Variants in SLC45A3 observed in about 807,000 individuals in gnomAD.
SLC45A3 encodes prostate cancer associated protein 2.
Under a neutral mutation model 35.3 loss-of-function variants are expected in SLC45A3, and 17 were observed. The observed-to-expected ratio is 0.48, with a 90% CI of 0.33 to 0.72. SLC45A3 has a LOEUF of 0.72. SLC45A3 is among the 30% of genes least tolerant of loss of function. The probability of loss-of-function intolerance (pLI) is 0.02; values close to 1 mark genes in which losing one functional copy is unlikely to be tolerated. For missense variants in SLC45A3, 597 were observed against 731.7 expected (o/e 0.82, Z 2.12); for synonymous variants, 288 against 334.3 (o/e 0.86, Z 1.51).
At chr1:205,677,746 C>T (rs1194580601) in intron 1 of SLC45A3, among the ~76,000 whole-genome samples, 6 of 152,014 alleles carry the variant, frequency 3.9e-5, no homozygotes, top group Non-Finnish European at 7.4e-5. Flanking sequence ...CCCAAATGAT[C>T]GATACAATAT....
chr1:205,667,161 G>A (rs1266166703), intron 1 of SLC45A3, among the ~76,000 whole-genome samples: 1 of 152,140 alleles, frequency 6.6e-6, no homozygotes, highest in Non-Finnish European at 1.5e-5. Context: ...TTGAGGGCAG[G>A]AGCTTAAGAA....
At chr1:205,670,408 A>T (rs1012727681) in intron 1 of SLC45A3, among the ~76,000 whole-genome samples, 10 of 152,120 alleles carry the variant, frequency 6.6e-5, no homozygotes, top group African/African-American at 2.4e-4. Flanking sequence ...AAAAACAGTG[A>T]TTTGCAGAAA....
chr1:205,675,501 C>T (rs371063177), intron 1 of SLC45A3, among the ~76,000 whole-genome samples: 104 of 152,288 alleles, frequency 6.8e-4, no homozygotes, highest in Middle Eastern at 3.4e-3. Flanking sequence ...GTCTGTAAAA[C>T]AAGGCCCTTG....
chr1:205,661,891 T>C lies in SLC45A3; in HGVS notation c.1194A>G (p.Thr398=). The C allele has an allele frequency of 6.2e-7, 1 of 1,613,860 alleles. No individual in the cohort carries two copies. The highest frequency in any genetic ancestry group is 8.5e-7 in the Non-Finnish European group (1 of 1,179,878). ...TCTCCCGGTGGTAGAGGGAGGCCAG[T>C]GTGTAGGGCAGGATCTGCAGGGCTG... The part of the protein sequence containing the change: ...TFSALQILPY[T]LASLYHREKQ... The change falls in exon 4 of 5, where the codon ACA becomes ACG. Residue 398 remains threonine (T), a synonymous_variant. Transcript: ENST00000367145.
At chr1:205,665,135 TTC>T (rs1006633895) in intron 1 of SLC45A3, among the ~76,000 whole-genome samples, 8 of 152,346 alleles carry the variant, frequency 5.3e-5, no homozygotes, top group South Asian at 2.1e-4. Flanking sequence ...ATGTTGGTTA[TTC>T]TCTGTTTTGA....
Position 205,666,894 on chromosome 1 carries a change from G to T in SLC45A3, c.-230-2008C>A, listed in dbSNP as rs1671128066. Among the ~76,000 whole-genome samples, 1 of 152,160 alleles carries T rather than the reference G, an allele frequency of 6.6e-6. No individual in the cohort carries two copies. Among genetic ancestry groups the T allele is most frequent in the African/African-American group, 2.4e-5 (1 of 41,442 alleles). ...TATCCAGCCTAAAGGGAGGGGTTCT[G>T]CGGCCAAAGGCTTCCAGCCCATTCC... On this transcript the variant is annotated intron_variant, in intron 1 of 4. Transcript: ENST00000367145. This position sits in a 1 kb window ranked among gnomAD's most constrained non-coding sequence, Gnocchi z 4.1.
At chr1:205,675,529 T>A (rs1671296504) in intron 1 of SLC45A3, among the ~76,000 whole-genome samples, 1 of 152,104 alleles carries the variant, frequency 6.6e-6, no homozygotes, top group Non-Finnish European at 1.5e-5. Context: ...GGACTTCTAA[T>A]CACTCCCACC....
chr1:205,661,248 G>C (rs1480568816), intron 4 of SLC45A3, among the ~76,000 whole-genome samples: 2 of 152,186 alleles, frequency 1.3e-5, no homozygotes, highest in Non-Finnish European at 2.9e-5. Context: ...GCCCAAGTGA[G>C]TGGGTCAGGT....
Position 205,658,409 on chromosome 1 carries a change from G to T in SLC45A3, c.*825C>A. On this transcript the variant is annotated 3_prime_UTR_variant, in exon 5 of 5. Coordinates refer to ENST00000367145, the MANE Select transcript of SLC45A3 (RefSeq NM_033102.3). ...CAAGGTCCTGGGTTAGGCATTTTGG[G>T]GGGCCAGACCCCAGGAGAAGAAGAT... 1 of 233,018 alleles carries T rather than the reference G, an allele frequency of 4.3e-6. No homozygotes were observed. The highest frequency in any genetic ancestry group is 8.5e-6 in the Non-Finnish European group (1 of 117,892). The allele number at this position is 233,018 out of a possible 1,614,324, so 14.4% of individuals were successfully genotyped here. A position where few individuals can be genotyped will look rare whatever the true frequency, so the allele number is the denominator to read the frequency against.
At chr1:205,668,624 T>C (rs963373554) in intron 1 of SLC45A3, among the ~76,000 whole-genome samples, 2 of 152,054 alleles carry the variant, frequency 1.3e-5, no homozygotes, top group Non-Finnish European at 2.9e-5. Flanking sequence ...CTGGAACACT[T>C]TGGCAAAGAC....
chr1:205,663,573 G>A lies in SLC45A3; in HGVS notation c.218C>T (p.Ser73Leu). 2 of 1,610,172 alleles carry A rather than the reference G, an allele frequency of 1.2e-6. No individual in the cohort carries two copies. The highest frequency in any genetic ancestry group is 1.7e-4 in the Middle Eastern group (1 of 6,040). Reference sequence around the variant, plus strand: ...GCGTCCACGCCAGTGGTCACTGGCTGAGCCTAGGAGCGGGACACAGACCAG... The same window carrying A: ...GCGTCCACGCCAGTGGTCACTGGCTAAGCCTAGGAGCGGGACACAGACCAG... ...LGLVCVPLLG[S>L]ASDHWRGRYG... is the part of the protein sequence containing the mutation. Residue 73 changes from serine (S) to leucine (L), a missense_variant, in exon 3 of 5, where the codon TCA becomes TTA. Transcript: ENST00000367145.
rs777784418 is a variant in SLC45A3 at position 205,663,520 on chromosome 1, C to A, written c.271G>T (p.Ala91Ser). The A allele has an allele frequency of 1.2e-6, 2 of 1,613,088 alleles. No homozygotes were observed. Among genetic ancestry groups the A allele is most frequent in the South Asian group, 2.2e-5 (2 of 91,086 alleles). Residue 91 changes from alanine to serine, a missense_variant, in exon 3 of 5, where the codon GCA becomes TCA. By Grantham distance (99) the Ala-to-Ser change is moderately conservative. Around this residue, in one of 3 missense-constraint regions of SLC45A3, gnomAD observed 555 missense variants for 664.9 expected, o/e 0.83. Transcript: ENST00000367145. ...CTCAGCAGGATGCCCAAGGACAGTG[C>A]CCAGATGAAGGGCCGGCGGCGGCCA... ...RYGRRRPFIW[A>S]LSLGILLSLF...
At chr1:205,679,616 G>C (rs1303619869) in intron 1 of SLC45A3, among the ~76,000 whole-genome samples, 1 of 151,922 alleles carries the variant, frequency 6.6e-6, no homozygotes, top group Admixed American at 6.6e-5. Flanking sequence ...AGACCTGGGA[G>C]GCGAGGAGAA....
intron 1 of SLC45A3, among the ~76,000 whole-genome samples, chr1:205,678,040 G>C (rs888694408): frequency 6.6e-6 from 1 of 152,162 alleles, no homozygotes; most frequent in Non-Finnish European, 1.5e-5. Context: ...TTTCTGGCCG[G>C]GTGCGGTGGC....
chr1:205,663,129 G>C lies in SLC45A3; in HGVS notation c.662C>G (p.Ala221Gly). Reference protein sequence around the residue: ...VAATLLVAEEAALGPTEPAEG... With the variant: ...VAATLLVAEEGALGPTEPAEG... The stretch of plus-strand genomic sequence containing the variant: ...TGCTGGCTCGGTGGGGCCCAGCGCT[G>C]CCTCCTCAGCCACCAGCAGTGTGGC... The change falls in exon 3 of 5, where the codon GCA becomes GGA. Residue 221 changes from alanine (A) to glycine (G), a missense_variant. Coordinates refer to ENST00000367145, the MANE Select transcript of SLC45A3 (RefSeq NM_033102.3). 1.9e-6 allele frequency: 3 copies of C among 1,610,082 alleles called. No individual in the cohort carries two copies. Among genetic ancestry groups the C allele is most frequent in the Non-Finnish European group, 2.5e-6 (3 of 1,178,006 alleles).
chr1:205,677,697 A>G (rs1558038130), intron 1 of SLC45A3, among the ~76,000 whole-genome samples: 1 of 152,218 alleles, frequency 6.6e-6, no homozygotes, highest in Non-Finnish European at 1.5e-5. Flanking sequence ...GCAAGGCCCA[A>G]GAGGAGAGTC....
chr1:205,664,422 C>G lies in SLC45A3; in HGVS notation c.172+63G>C. Reference sequence around the variant, plus strand: ...AAGCAGCTCCCAGGGCAGAGGTACTCCTGTCCCACATGCCAGGTGGCATGT... The same window carrying G: ...AAGCAGCTCCCAGGGCAGAGGTACTGCTGTCCCACATGCCAGGTGGCATGT... On this transcript the variant is annotated intron_variant, in intron 2 of 4. Coordinates refer to ENST00000367145, the MANE Select transcript of SLC45A3 (RefSeq NM_033102.3). The surrounding 1 kb of genome is among the most constrained non-coding windows in gnomAD (Gnocchi z 5.3). The G allele has an allele frequency of 6.3e-7, 1 of 1,590,902 alleles. No homozygotes were observed. Among genetic ancestry groups the G allele is most frequent in the South Asian group, 1.2e-5 (1 of 86,848 alleles).
At chr1:205,675,581 T>C (rs1431638196) in intron 1 of SLC45A3, among the ~76,000 whole-genome samples, 1 of 152,108 alleles carries the variant, frequency 6.6e-6, no homozygotes. Context: ...CTGGAAACAA[T>C]ACCGGACTGA....
At position 205,662,219 on chromosome 1, in the gene SLC45A3, T is replaced by C. The variant is rs1671039282; in HGVS notation, c.959-93A>G. 4 of 1,488,944 alleles carry C rather than the reference T, an allele frequency of 2.7e-6. No individual in the cohort carries two copies. The highest frequency in any genetic ancestry group is 1.4e-5 in the African/African-American group (1 of 71,984). The allele number at this position is 1,488,944 out of a possible 1,614,324, so 92.2% of individuals were successfully genotyped here. On this transcript the variant is annotated intron_variant, in intron 3 of 4. Transcript: ENST00000367145. The surrounding 1 kb of genome is among the most constrained non-coding windows in gnomAD (Gnocchi z 6.2). The stretch of plus-strand genomic sequence containing the variant: ...AGAAGGCGGAACCACAGGTACCTGC[T>C]GCACGAGACCTGCTGTGGACCAGCC...
Sources: allele counts gnomAD v4.1 joint callset (sites outside exome capture counted in the v4.1 genomes callset), GRCh38; gene constraint gnomAD v4.1.1; regional missense constraint gnomAD v4.1.1; non-coding constraint Gnocchi (gnomAD v3.1); transcripts MANE v1.5; gene names NCBI Gene and HGNC (gene_info 2026-07-23, HGNC 2026-07-21).